Variants in CHP2 observed in about 807,000 individuals in gnomAD.
CHP2 encodes calcineurin like EF-hand protein 2.
Under a neutral mutation model 24.7 loss-of-function variants are expected in CHP2, and 31 were observed. The observed-to-expected ratio is 1.26, with a 90% CI of 0.94 to 1.69. The LOEUF (loss-of-function observed/expected upper bound fraction) is 1.69, where lower values mean the gene tolerates loss of function less well. Among genes scored for constraint, CHP2 ranks in the 40% most tolerant of loss-of-function variants. CHP2 has a pLI of 0.00. For synonymous variants in CHP2, 97 were observed against 99.1 expected (o/e 0.98, Z 0.13); for missense variants, 319 against 261.5 (o/e 1.22, Z -1.52).
At chr16:23,757,479 C>T (rs764479716) in intron 6 of CHP2, 51 bp from the exon 7 acceptor site, 1 of 1,597,504 alleles carries the variant, frequency 6.3e-7, no homozygotes, top group Admixed American at 1.7e-5. Context: ...AGGTTGGGAG[C>T]ATGGAGAGCT....
In CHP2 at chr16:23,758,274, T is replaced by C. The variant is rs1438713608; in HGVS notation, c.*691T>C. On this transcript the variant is annotated 3_prime_UTR_variant, in exon 7 of 7. Transcript: ENST00000300113. Reference sequence around the variant, plus strand: ...AGAGCTGTGAATCAGCCAGCAATATTTTAGTTGCAAATCACTGAAAACCCA... The same window carrying C: ...AGAGCTGTGAATCAGCCAGCAATATCTTAGTTGCAAATCACTGAAAACCCA... The C allele has an allele frequency of 6.6e-6, 1 of 152,272 alleles. No homozygotes were observed. Among genetic ancestry groups the C allele is most frequent in the Non-Finnish European group, 1.5e-5 (1 of 68,100 alleles). 9.4% of individuals were successfully genotyped at this position (152,272 alleles called of 1,614,324 possible). A position where few individuals can be genotyped will look rare whatever the true frequency, so the allele number is the denominator to read the frequency against.
chr16:23,757,304 C>T lies in CHP2; in HGVS notation c.518C>T (p.Ser173Phe), dbSNP rs1376691505. The change falls in exon 6 of 7, where the codon TCC becomes TTC. Residue 173 changes from serine to phenylalanine, a missense_variant. Transcript: ENST00000300113. ...EADEDGDGAVSFVEFTKSLEK... is the reference protein window; with the variant it reads ...EADEDGDGAVFFVEFTKSLEK... ...GATGAAGATGGGGATGGGGCTGTGT[C>T]CTTCGTGGAGTTCACCAAGGTCAGA... The T allele has an allele frequency of 6.2e-7, 1 of 1,612,058 alleles. No individual in the cohort carries two copies. Among genetic ancestry groups the T allele is most frequent in the African/African-American group, 1.3e-5 (1 of 74,812 alleles).
intron 3 of CHP2, 35 bp from the exon 4 acceptor site, chr16:23,756,028 C>T (rs1157983082): frequency 8.1e-6 from 13 of 1,613,522 alleles, no homozygotes; most frequent in Non-Finnish European, 1.1e-5. Flanking sequence ...GCCAAGGTGA[C>T]CACCACCTCT....
chr16:23,755,789 C>T, intron 2 of CHP2, 56 bp downstream of exon 2: 1 of 1,613,424 alleles, frequency 6.2e-7, no homozygotes, highest in Non-Finnish European at 8.5e-7. Flanking sequence ...CTCCATGTCC[C>T]TCTTTGACCC....
At chr16:23,755,637 C>T (rs2141043745) in intron 1 of CHP2, 24 bp from the exon 2 acceptor site, 2 of 1,609,766 alleles carry the variant, frequency 1.2e-6, no homozygotes, top group Non-Finnish European at 1.7e-6. Flanking sequence ...GTCACACACC[C>T]CCACCCCACT....
intron 1 of CHP2, 173 bp downstream of exon 1, chr16:23,755,289 T>G (rs995227519): frequency 1.0e-5 from 6 of 600,952 alleles, no homozygotes; most frequent in Admixed American, 9.1e-5. Flanking sequence ...AGGGGCGGGT[T>G]AACCTAGGGG....
chr16:23,756,987 A>G (rs1961233933), intron 5 of CHP2, among the ~76,000 whole-genome samples: 1 of 152,114 alleles, frequency 6.6e-6, no homozygotes, highest in African/African-American at 2.4e-5. Flanking sequence ...GAGTTTGAGC[A>G]TATTTTGAGG....
chr16:23,757,394 A>G, intron 6 of CHP2, 71 bp downstream of exon 6: 11 of 1,592,236 alleles, frequency 6.9e-6, no homozygotes, highest in Non-Finnish European at 8.6e-6. Context: ...GGAAACGTTC[A>G]ACGGAGGAGG....
Position 23,757,654 on chromosome 16 carries a change from G to A in CHP2, c.*71G>A, listed in dbSNP as rs941223791. The A allele has an allele frequency of 1.9e-5, 24 of 1,291,328 alleles. No homozygotes were observed. The highest frequency in any genetic ancestry group is 3.4e-5 in the Admixed American group (2 of 59,534). The allele number at this position is 1,291,328 out of a possible 1,614,324, so 80.0% of individuals were successfully genotyped here. A position where few individuals can be genotyped will look rare whatever the true frequency, so the allele number is the denominator to read the frequency against. On this transcript the variant is annotated 3_prime_UTR_variant, in exon 7 of 7. Transcript: ENST00000300113. The stretch of plus-strand genomic sequence containing the variant: ...GAATTCATCCAAAGCCCCCATGGAC[G>A]CATGGACGCAGGGCGACAATAAACT...
Position 23,758,863 on chromosome 16 carries a change from T to C in CHP2, c.*1280T>C, listed in dbSNP as rs866065104. The C allele has an allele frequency of 1.3e-5, 2 of 152,226 alleles. No homozygotes were observed. The highest frequency in any genetic ancestry group is 6.6e-5 in the Admixed American group (1 of 15,260). The allele number at this position is 152,226 out of a possible 1,614,324, so 9.4% of individuals were successfully genotyped here. A position where few individuals can be genotyped will look rare whatever the true frequency, so the allele number is the denominator to read the frequency against. ...AATGGGTTTTTGCTGATTTCCTGGG[T>C]GCATGCTAGGATGATGGGGCTTGAT... On this transcript the variant is annotated 3_prime_UTR_variant, in exon 7 of 7. Transcript: ENST00000300113.
chr16:23,755,650 C>G lies in CHP2; in HGVS notation c.68-11C>G. 4.3e-6 allele frequency: 7 copies of G among 1,613,614 alleles called. No homozygotes were observed. The highest frequency in any genetic ancestry group is 5.9e-6 in the Non-Finnish European group (7 of 1,179,816). On this transcript the variant is annotated splice_polypyrimidine_tract_variant and intron_variant, in intron 1 of 6. Transcript: ENST00000300113. The stretch of plus-strand genomic sequence containing the variant: ...GAGTCACACACCCCCACCCCACTCT[C>G]CTTCCCGCAGTCTCCCAAGCCAGCC...
intron 4 of CHP2, 84 bp downstream of exon 4, chr16:23,756,277 T>TGAGG: frequency 6.3e-7 from 1 of 1,588,946 alleles, no homozygotes; most frequent in Non-Finnish European, 8.6e-7. Flanking sequence ...ACTCCCTTCC[T>TGAGG]GAGGGCATTG....
At position 23,756,070 on chromosome 16, in the gene CHP2, C is replaced by A. The variant is rs774991786; in HGVS notation, c.229C>A (p.Arg77=). 1.4e-5 allele frequency: 22 copies of A among 1,613,914 alleles called. No individual in the cohort carries two copies. Among genetic ancestry groups the A allele is most frequent in the Admixed American group, 6.7e-5 (4 of 59,980 alleles). The part of the protein sequence containing the change: ...IESFFPDGSQ[R]VDFPGFVRVL... ...TCTGTCCCGTCTCCCCAGGAGCCAG[C>A]GAGTGGATTTCCCAGGCTTTGTCAG... Residue 77 remains arginine, a synonymous_variant, in exon 4 of 7, where the codon CGA becomes AGA. Transcript: ENST00000300113.
intron 5 of CHP2, 89 bp downstream of exon 5, chr16:23,756,538 G>C (rs1314295712): frequency 2.6e-6 from 3 of 1,139,982 alleles, no homozygotes; most frequent in Non-Finnish European, 3.9e-6. Context: ...GGATGATTGG[G>C]GAACTGGGGC....
At position 23,755,863 on chromosome 16, in the gene CHP2, C is replaced by G. The variant is rs1427064076; in HGVS notation, c.157C>G (p.Gln53Glu). ...KGYLSRMDLQQIGALAVNPLG... is the reference protein window; with the variant it reads ...KGYLSRMDLQEIGALAVNPLG... Reference sequence around the variant, plus strand: ...GCTTTGCAGCCGCATGGATCTCCAGCAGATAGGGGCGCTCGCCGTGAACCC... The same window carrying G: ...GCTTTGCAGCCGCATGGATCTCCAGGAGATAGGGGCGCTCGCCGTGAACCC... Residue 53 changes from glutamine (Q) to glutamate (E), a missense_variant, in exon 3 of 7, where the codon CAG becomes GAG. By Grantham distance (29) the Gln-to-Glu change is conservative (BLOSUM62 2). Transcript: ENST00000300113. 1.2e-6 allele frequency: 2 copies of G among 1,614,210 alleles called. No individual in the cohort carries two copies. The highest frequency in any genetic ancestry group is 1.1e-5 in the South Asian group (1 of 91,088).
In CHP2 at chr16:23,757,800, T is replaced by G. The variant is rs1961248056; in HGVS notation, c.*217T>G. 1 of 600,214 alleles carries G rather than the reference T, an allele frequency of 1.7e-6. No homozygotes were observed. The highest frequency in any genetic ancestry group is 2.7e-5 in the Admixed American group (1 of 37,300). 37.2% of individuals were successfully genotyped at this position (600,214 alleles called of 1,614,324 possible). On this transcript the variant is annotated 3_prime_UTR_variant, in exon 7 of 7. Transcript: ENST00000300113. Reference sequence around the variant, plus strand: ...CAGGGACAGTTTTTCCACGGATGGGTGACAGGGGATGGTTTTGGGATGATT... The same window carrying G: ...CAGGGACAGTTTTTCCACGGATGGGGGACAGGGGATGGTTTTGGGATGATT...
In CHP2 at chr16:23,756,377, CCTCT is replaced by C; in HGVS notation, c.353-9_353-6del. 1 of 1,611,516 alleles carries C rather than the reference CCTCT, an allele frequency of 6.2e-7. No individual in the cohort carries two copies. Among genetic ancestry groups the C allele is most frequent in the Non-Finnish European group, 8.5e-7 (1 of 1,178,022 alleles). On this transcript the variant is annotated splice_region_variant and splice_polypyrimidine_tract_variant and intron_variant, in intron 4 of 6. Coordinates refer to ENST00000300113, the MANE Select transcript of CHP2 (RefSeq NM_022097.4). ...ACCTACCTTCCTTTCCCCCTCCCACCCTCTCCCCAGATGCATTTCAGCTCTATGA... is the reference window on the plus strand; with the variant it reads ...ACCTACCTTCCTTTCCCCCTCCCACCCCCCAGATGCATTTCAGCTCTATGA...
intron 5 of CHP2, 99 bp downstream of exon 5, chr16:23,756,548 C>G (rs73550289): frequency 9.6e-7 from 1 of 1,044,216 alleles, no homozygotes; most frequent in Admixed American, 1.9e-5. Context: ...GGAACTGGGG[C>G]GCAGATAATT....
At chr16:23,755,459 C>A in intron 1 of CHP2, 1 of 606,002 alleles carries the variant, frequency 1.7e-6, no homozygotes, top group African/African-American at 1.9e-5. Flanking sequence ...AGGTTGCGAG[C>A]CGCCCGGGTC....
Sources: allele counts gnomAD v4.1 joint callset (sites outside exome capture counted in the v4.1 genomes callset), GRCh38; gene constraint gnomAD v4.1.1; transcripts MANE v1.5; gene names NCBI Gene and HGNC (gene_info 2026-07-23, HGNC 2026-07-21).